The following SORCS2 variants were observed in gnomAD, a reference collection of about 807,000 sequenced individuals.
SORCS2 encodes the protein sortilin related VPS10 domain containing receptor 2.
Under a neutral mutation model 141.6 loss-of-function variants are expected in SORCS2, and 100 were observed. The observed-to-expected ratio is 0.71, with a 90% confidence interval of 0.60 to 0.83. The LOEUF (loss-of-function observed/expected upper bound fraction) is 0.83. Among genes scored for constraint, SORCS2 ranks in the 40% least tolerant of loss-of-function variants. The pLI, the probability that SORCS2 is intolerant of heterozygous loss-of-function variation, is 0.00. For synonymous variants in SORCS2, 789 were observed against 676.9 expected, an observed-to-expected ratio of 1.17 and a Z score of -2.57; for missense variants, 1,646 against 1,560.2, an observed-to-expected ratio of 1.05 and a Z score of -0.93.
chr4:7,509,037 G>A (rs913460643), intron 2 of SORCS2, among the ~76,000 whole-genome samples: 33 of 152,174 alleles, frequency 2.2e-4, no homozygotes, highest in East Asian at 5.8e-4. Context: ...GCGACCTTTC[G>A]TGGGTAACCA....
In SORCS2 at chr4:7,734,238, C is replaced by A. The variant is rs375534300; in HGVS notation, c.3209-34C>A. 269 of 1,519,342 alleles carry A rather than the reference C, an allele frequency of 1.8e-4. 5 individuals are homozygous for A. The South Asian group carries it at 3.1e-3, about 17-fold the overall frequency. The allele number at this position is 1,519,342 out of a possible 1,614,324, so 94.1% of individuals were successfully genotyped here. On this transcript the variant is annotated intron_variant, in intron 24 of 26. Transcript: ENST00000507866. The stretch of plus-strand genomic sequence containing the variant: ...GGATGGGACAGGGATGGGCGGTGCC[C>A]GAGGTCCTCCACTGACAACCGCTTT...
chr4:7,278,565 A>G (rs770278411), intron 1 of SORCS2, among the ~76,000 whole-genome samples: 1 of 152,194 alleles, frequency 6.6e-6, no homozygotes, highest in Non-Finnish European at 1.5e-5. Flanking sequence ...CCGGCTCTGC[A>G]GTGGTAGCGT....
At chr4:7,400,866 A>G (rs7441083) in intron 2 of SORCS2, among the ~76,000 whole-genome samples, 15 of 142,808 alleles carry the variant, frequency 1.1e-4, no homozygotes, top group African/African-American at 1.8e-4. Context: ...TGGATGGATG[A>G]ATGGAAGAAT....
At chr4:7,496,080 G>A (rs778427584) in intron 2 of SORCS2, among the ~76,000 whole-genome samples, 1 of 152,180 alleles carries the variant, frequency 6.6e-6, no homozygotes, top group African/African-American at 2.4e-5. Flanking sequence ...GAGAATGGAC[G>A]GGGGTGGGGA....
intron 1 of SORCS2, among the ~76,000 whole-genome samples, chr4:7,302,349 A>C (rs1163650769): frequency 6.6e-6 from 1 of 152,224 alleles, no homozygotes; most frequent in Non-Finnish European, 1.5e-5. Flanking sequence ...CATCTCACTC[A>C]GAAGAAAAGC....
In SORCS2 at chr4:7,728,350, A is replaced by T; in HGVS notation, c.2870A>T (p.Asp957Val). The T allele has an allele frequency of 6.2e-7, 1 of 1,611,514 alleles. No individual in the cohort carries two copies. Among genetic ancestry groups the T allele is most frequent in the Non-Finnish European group, 8.5e-7 (1 of 1,178,134 alleles). The change falls in exon 22 of 27, where the codon GAT (aspartate) becomes GTT (valine). Residue 957 changes from aspartate (D) to valine (V), a missense_variant and splice_region_variant. Transcript: ENST00000507866. ...LQDSRVLRVL[D>V]QFQVMPLQFS... ...GTCTCCCTTCTCTGCGTCTTTCCAGATCAATTTCAAGTCATGCCTCTGCAG... is the reference window on the plus strand; with the variant it reads ...GTCTCCCTTCTCTGCGTCTTTCCAGTTCAATTTCAAGTCATGCCTCTGCAG...
At chr4:7,661,244 A>G (rs767728595) in intron 5 of SORCS2, among the ~76,000 whole-genome samples, 87 of 95,310 alleles carry the variant, frequency 9.1e-4, no homozygotes, top group Middle Eastern at 5.7e-3. Context: ...AGGAAGATGC[A>G]GAGACTCCAA....
intron 3 of SORCS2, among the ~76,000 whole-genome samples, chr4:7,578,127 GCT>G (rs1337298122): frequency 2.6e-5 from 4 of 152,194 alleles, no homozygotes; most frequent in African/African-American, 9.7e-5. Context: ...TTGAGTTCTT[GCT>G]CTCTCAGAAC....
At chr4:7,631,543 A>T (rs1220628566) in intron 3 of SORCS2, among the ~76,000 whole-genome samples, 4 of 152,102 alleles carry the variant, frequency 2.6e-5, no homozygotes, top group Middle Eastern at 3.4e-3. Context: ...CCTCTCCTCC[A>T]CTTTGGCCCA....
At chr4:7,459,192 C>T (rs1219731065) in intron 2 of SORCS2, among the ~76,000 whole-genome samples, 2 of 152,116 alleles carry the variant, frequency 1.3e-5, no homozygotes, top group Non-Finnish European at 2.9e-5. Flanking sequence ...GCCCTCCCTG[C>T]CCCACCATGG....
chr4:7,421,157 T>A (rs1054014416), intron 2 of SORCS2, among the ~76,000 whole-genome samples: 8 of 152,202 alleles, frequency 5.3e-5, no homozygotes, highest in African/African-American at 1.9e-4. Flanking sequence ...CAGCACAAGC[T>A]GTTGGCTGAA....
chr4:7,374,467 G>T (rs756446370), intron 1 of SORCS2, among the ~76,000 whole-genome samples: 40 of 152,146 alleles, frequency 2.6e-4, no homozygotes, highest in Non-Finnish European at 3.8e-4. Flanking sequence ...TGCCACGCTG[G>T]CAGCATTGGC....
At chr4:7,439,448 A>G (rs1727515727) in intron 2 of SORCS2, among the ~76,000 whole-genome samples, 1 of 152,160 alleles carries the variant, frequency 6.6e-6, no homozygotes, top group African/African-American at 2.4e-5. Context: ...CTTGCTACAC[A>G]TTTCTTTTTA....
chr4:7,241,618 A>G (rs939987516), intron 1 of SORCS2, among the ~76,000 whole-genome samples: 5 of 152,028 alleles, frequency 3.3e-5, no homozygotes, highest in African/African-American at 1.2e-4. Context: ...GGAGGAGGCA[A>G]TTTGCAGTGA....
chr4:7,650,669 G>T (rs1456566677), intron 4 of SORCS2, among the ~76,000 whole-genome samples: 1 of 151,694 alleles, frequency 6.6e-6, no homozygotes, highest in Non-Finnish European at 1.5e-5. Flanking sequence ...GGAGGCAGAC[G>T]CCAGCTCCGC....
intron 3 of SORCS2, among the ~76,000 whole-genome samples, chr4:7,577,110 A>G (rs1219068153): frequency 6.6e-6 from 1 of 152,210 alleles, no homozygotes; most frequent in Non-Finnish European, 1.5e-5. Flanking sequence ...TAGAGAGATC[A>G]CAGCTGCTGT....
Position 7,676,824 on chromosome 4 carries a change from T to TCTCTCTCTCTCTCTCTCTCTCCCTCC in SORCS2, c.1341+600_1341+601insTCTCTCTCTCTCTCTCCCTCCCTCTC, listed in dbSNP as rs765132758. 6.1e-5 allele frequency among the ~76,000 whole-genome samples: 3 copies of TCTCTCTCTCTCTCTCTCTCTCCCTCC among 49,078 alleles called. 1 individual carries two copies. Among genetic ancestry groups the TCTCTCTCTCTCTCTCTCTCTCCCTCC allele is most frequent in the Non-Finnish European group, 1.2e-4 (3 of 25,638 alleles). The allele number at this position is 49,078 out of a possible 152,430, so 32.2% of individuals were successfully genotyped here. ...TTCTGTCTCTCTCTCTCTCTCTCTCTCTCTCCCTCTCTCCACCCCAGCCCT... is the reference window on the plus strand; with the variant it reads ...TTCTGTCTCTCTCTCTCTCTCTCTCTCTCTCTCTCTCTCTCTCTCTCCCTCCCTCTCCCTCTCTCCACCCCAGCCCT... On this transcript the variant is annotated intron_variant, in intron 9 of 26. Coordinates refer to ENST00000507866, the MANE Select transcript of SORCS2 (RefSeq NM_020777.3).
At chr4:7,422,399 G>A (rs533581449) in intron 2 of SORCS2, among the ~76,000 whole-genome samples, 7 of 152,258 alleles carry the variant, frequency 4.6e-5, no homozygotes, top group South Asian at 2.1e-4. Flanking sequence ...GGCCCCTCCC[G>A]TGGCCTTCCT....
intron 1 of SORCS2, among the ~76,000 whole-genome samples, chr4:7,338,040 C>T (rs1428965356): frequency 6.6e-6 from 1 of 152,202 alleles, no homozygotes; most frequent in Non-Finnish European, 1.5e-5. Context: ...GTTTTGAGCT[C>T]TATAGTGACA....
Sources: allele counts gnomAD v4.1 joint callset (sites outside exome capture counted in the v4.1 genomes callset), GRCh38; gene constraint gnomAD v4.1.1; transcripts MANE v1.5; gene names NCBI Gene and HGNC (gene_info 2026-07-23, HGNC 2026-07-21).